Variants in XPO7 observed in about 807,000 individuals in gnomAD.
XPO7 encodes exportin 7.
A neutral mutation model predicts 144.3 loss-of-function variants in XPO7; 21 were observed. The observed-to-expected ratio is 0.15, with a 90% CI of 0.10 to 0.21. The LOEUF is 0.21. Ranked by LOEUF, XPO7 falls within the 10% of genes least tolerant of loss-of-function variation. The pLI is 1.00. For synonymous variants in XPO7, 580 were observed against 499.6 expected (o/e 1.16, Z -2.15); for missense variants, 808 against 1,325.8 (o/e 0.61, Z 6.06).
chr8:21,998,310 G>T (rs192251816), intron 21 of XPO7, among the ~76,000 whole-genome samples: 1 of 152,078 alleles, frequency 6.6e-6, no homozygotes, highest in Non-Finnish European at 1.5e-5. Context: ...GCGTGGTGGC[G>T]GGCACCTGTA....
Position 21,974,680 on chromosome 8 carries a change from C to G in XPO7, c.503C>G (p.Thr168Ser), listed in dbSNP as rs1812171677. ...TCTTTTTCTGCACAGGCAGACACCA[C>G]CCATCCTTTAACCAAGCACAGAAAA... ...LTNEINQADT[T>S]HPLTKHRKIA... The change falls in exon 6 of 28, where the codon ACC becomes AGC. Residue 168 changes from threonine (T) to serine (S), a missense_variant. Transcript: ENST00000252512. The G allele has an allele frequency of 6.3e-7, 1 of 1,588,636 alleles. No individual in the cohort carries two copies. The highest frequency in any genetic ancestry group is 8.6e-7 in the Non-Finnish European group (1 of 1,167,038).
At chr8:21,954,704 T>C (rs1811480165) in intron 1 of XPO7, among the ~76,000 whole-genome samples, 1 of 152,146 alleles carries the variant, frequency 6.6e-6, no homozygotes, top group South Asian at 2.1e-4. Context: ...CCCTCTGCAG[T>C]GTAGCTTACA....
intron 1 of XPO7, among the ~76,000 whole-genome samples, chr8:21,920,549 C>G (rs529055470): frequency 6.6e-6 from 1 of 152,122 alleles, no homozygotes; most frequent in African/African-American, 2.4e-5. Flanking sequence ...TCGGGAGGGT[C>G]TTGATCCGGC....
chr8:21,993,011 T>C (rs1056690649), intron 19 of XPO7, among the ~76,000 whole-genome samples: 2 of 152,218 alleles, frequency 1.3e-5, no homozygotes, highest in Admixed American at 6.5e-5. Flanking sequence ...CCTTTTCTTT[T>C]TCCATCTACA....
intron 10 of XPO7, 46 bp from the exon 11 acceptor site, chr8:21,982,594 G>T (rs375838172): frequency 6.5e-7 from 1 of 1,531,072 alleles, no homozygotes. Context: ...GGACTAACAC[G>T]TACAGAAATG....
At chr8:21,923,358 T>C (rs548775293) in intron 1 of XPO7, among the ~76,000 whole-genome samples, 4 of 152,330 alleles carry the variant, frequency 2.6e-5, no homozygotes, top group Non-Finnish European at 5.9e-5. Context: ...TACATCTGTG[T>C]TGGGTGATAA....
At chr8:21,920,248 G>T (rs1162241728) in intron 1 of XPO7, among the ~76,000 whole-genome samples, 3 of 151,834 alleles carry the variant, frequency 2.0e-5, no homozygotes, top group Non-Finnish European at 4.4e-5. Context: ...CTCGCTCTCC[G>T]GAGTCTTTCC....
rs1039109579 is a variant in XPO7 at position 21,987,801 on chromosome 8, A to G, written c.1731A>G (p.Ser577=). Residue 577 remains serine (S), a synonymous_variant, in exon 15 of 28, where the codon TCA becomes TCG. Coordinates refer to ENST00000252512, the MANE Select transcript of XPO7 (RefSeq NM_015024.5). ...AACACCAGCTGTACCGCCGACTCTC[A>G]GAAGTTCTGGGCTTGAATGATGAGA... The part of the protein sequence containing the change: ...QKSSKLYRRL[S]EVLGLNDETM... The G allele has an allele frequency of 7.4e-6, 12 of 1,613,784 alleles. 1 individual carries two copies. In the Admixed American group the frequency reaches 8.3e-5, roughly 11 times the overall value.
At chr8:21,996,804 A>C (rs1293542313) in intron 21 of XPO7, among the ~76,000 whole-genome samples, 1 of 151,712 alleles carries the variant, frequency 6.6e-6, no homozygotes, top group Non-Finnish European at 1.5e-5. Flanking sequence ...TATTTTATTT[A>C]TTTATTTAGT....
chr8:21,984,010 C>CA (rs1812489733), intron 11 of XPO7, among the ~76,000 whole-genome samples: 1 of 152,160 alleles, frequency 6.6e-6, no homozygotes, highest in Non-Finnish European at 1.5e-5. Context: ...AAAGATGTGA[C>CA]AAAAGAAATT....
chr8:21,989,821 C>CTTTTTTTTTTTTTTTTTTTTTTTTT lies in XPO7; in HGVS notation c.1869-501_1869-477dup, dbSNP rs1170364778. Among the ~76,000 whole-genome samples, 78 of 59,714 alleles carry CTTTTTTTTTTTTTTTTTTTTTTTTT rather than the reference C, an allele frequency of 1.3e-3. 25 individuals carry two copies. The highest frequency in any genetic ancestry group is 0.011 in the Middle Eastern group (1 of 90). 39.2% of individuals were successfully genotyped at this position (59,714 alleles called of 152,430 possible). A position where few individuals can be genotyped will look rare whatever the true frequency, so the allele number is the denominator to read the frequency against. The stretch of plus-strand genomic sequence containing the variant: ...AATAGGAGTTTGGTATAGGTGTTTC[C>CTTTTTTTTTTTTTTTTTTTTTTTTT]TTTTTTTTTTTTTTTTTTTTTTTTT... On this transcript the variant is annotated intron_variant, in intron 16 of 27. Coordinates refer to ENST00000252512, the MANE Select transcript of XPO7 (RefSeq NM_015024.5).
chr8:21,966,601 T>C (rs1453235822), intron 1 of XPO7, among the ~76,000 whole-genome samples: 2 of 150,270 alleles, frequency 1.3e-5, no homozygotes, highest in African/African-American at 5.0e-5. Context: ...GAAAAATGTA[T>C]CATGTATGAT....
chr8:21,924,253 C>T (rs368014275), intron 1 of XPO7, among the ~76,000 whole-genome samples: 1 of 152,130 alleles, frequency 6.6e-6, no homozygotes, highest in East Asian at 1.9e-4. Context: ...TATAAGTGAC[C>T]CATCTTTGTT....
intron 7 of XPO7, 138 bp downstream of exon 7, chr8:21,976,659 T>C: frequency 2.7e-6 from 3 of 1,120,004 alleles, no homozygotes; most frequent in Non-Finnish European, 3.6e-6. Flanking sequence ...TTTTTTTGTT[T>C]GTTTGTTTTT....
chr8:21,943,957 G>A (rs568803818), intron 1 of XPO7, among the ~76,000 whole-genome samples: 1 of 152,266 alleles, frequency 6.6e-6, no homozygotes, highest in African/African-American at 2.4e-5. Context: ...GGAGAAAAGG[G>A]AAATGTTATA....
In XPO7 at chr8:22,006,315, A is replaced by G. The variant is rs1201757833; in HGVS notation, c.*1227A>G. The G allele has an allele frequency of 6.6e-6, 1 of 152,148 alleles. No homozygotes were observed. The highest frequency in any genetic ancestry group is 1.5e-5 in the Non-Finnish European group (1 of 68,016). The allele number at this position is 152,148 out of a possible 1,614,324, so 9.4% of individuals were successfully genotyped here. A position where few individuals can be genotyped will look rare whatever the true frequency, so the allele number is the denominator to read the frequency against. On this transcript the variant is annotated 3_prime_UTR_variant, in exon 28 of 28. Coordinates refer to ENST00000252512, the MANE Select transcript of XPO7 (RefSeq NM_015024.5). ...CAGAGGAAAATTAATGGAGACAGCT[A>G]TTTGCCTTGTACTTTTTCCACAATT... is the stretch of plus-strand genomic sequence containing the variant.
At chr8:21,958,992 G>A (rs1253783569) in intron 1 of XPO7, among the ~76,000 whole-genome samples, 1 of 151,162 alleles carries the variant, frequency 6.6e-6, no homozygotes, top group African/African-American at 2.4e-5. Flanking sequence ...GCAAAGCATG[G>A]CAGTGTTGAG....
At chr8:21,949,773 A>G (rs1223833691) in intron 1 of XPO7, among the ~76,000 whole-genome samples, 1 of 152,198 alleles carries the variant, frequency 6.6e-6, no homozygotes, top group Non-Finnish European at 1.5e-5. Flanking sequence ...TCTGTTGCCT[A>G]GGCTGGAGTG....
chr8:21,987,319 C>T (rs1812611881), intron 14 of XPO7, 43 bp downstream of exon 14: 1 of 1,610,968 alleles, frequency 6.2e-7, no homozygotes, highest in African/African-American at 1.3e-5. Flanking sequence ...TCACTTCTCA[C>T]TTGTGGGATT....
Sources: allele counts gnomAD v4.1 joint callset (sites outside exome capture counted in the v4.1 genomes callset), GRCh38; gene constraint gnomAD v4.1.1; transcripts MANE v1.5; gene names NCBI Gene and HGNC (gene_info 2026-07-23, HGNC 2026-07-21).